Variants in SCLT1 observed in about 807,000 individuals in gnomAD.
The protein encoded by SCLT1 is sodium channel-associated protein 1.
SCLT1 carries 78 observed loss-of-function variants against 112.8 expected under a neutral mutation model. That is an observed-to-expected ratio of 0.69 (90% confidence interval 0.58 to 0.83). The LOEUF is 0.83. Ranked by LOEUF, SCLT1 falls within the 40% of genes least tolerant of loss-of-function variation. The pLI, the probability that SCLT1 is intolerant of heterozygous loss-of-function variation, is 0.00. For missense variants in SCLT1, 747 were observed against 770.4 expected, an observed-to-expected ratio of 0.97 and a Z score of 0.36; for synonymous variants, 257 against 254.7, an observed-to-expected ratio of 1.01 and a Z score of -0.09.
intron 5 of SCLT1, chr4:128,873,804 G>A (rs1732380077): frequency 6.6e-6 from 1 of 152,584 alleles, no homozygotes; most frequent in African/African-American, 2.4e-5. Context: ...GATACTTAAT[G>A]AATAATGCTT....
At chr4:128,995,542 C>G (rs994513609) in intron 8 of SCLT1, among the ~76,000 whole-genome samples, 3 of 152,178 alleles carry the variant, frequency 2.0e-5, no homozygotes, top group Non-Finnish European at 2.9e-5. Flanking sequence ...TTAGAGAAAG[C>G]AGGCACCTCT....
chr4:128,965,353 T>G, intron 10 of SCLT1, 35 bp from the exon 11 acceptor site: 1 of 1,360,882 alleles, frequency 7.3e-7, no homozygotes. Context: ...TTACTTTGAG[T>G]ATGTGAAAAT....
At chr4:128,929,160 G>A (rs1192124889) in intron 18 of SCLT1, among the ~76,000 whole-genome samples, 1 of 152,120 alleles carries the variant, frequency 6.6e-6, no homozygotes, top group African/African-American at 2.4e-5. Flanking sequence ...CCTAAGTAAG[G>A]TCACTGGTTA....
intron 2 of SCLT1, among the ~76,000 whole-genome samples, chr4:129,047,026 T>C (rs753710113): frequency 1.8e-4 from 28 of 152,144 alleles, no homozygotes; most frequent in Non-Finnish European, 1.5e-5. Context: ...TCTTCATATA[T>C]TCTAGATTTT....
intron 9 of SCLT1, 186 bp from the exon 10 acceptor site, chr4:128,970,654 A>C: frequency 1.8e-6 from 1 of 542,362 alleles, no homozygotes; most frequent in South Asian, 2.4e-5. Context: ...TAAAGAGGAA[A>C]AAATATAGCT....
At chr4:129,089,097 T>C (rs113241718) in intron 1 of SCLT1, among the ~76,000 whole-genome samples, 2,191 of 152,210 alleles carry the variant, frequency 0.014, 48 homozygotes, top group African/African-American at 0.044. Context: ...TTTTTGCAAT[T>C]TATCCATCTG....
chr4:129,080,712 T>C (rs1751857584), intron 2 of SCLT1, among the ~76,000 whole-genome samples: 1 of 152,212 alleles, frequency 6.6e-6, no homozygotes, highest in Admixed American at 6.5e-5. Context: ...CATTATGCAG[T>C]TCCAAAGTCA....
chr4:128,907,839 G>T (rs1734802428), intron 18 of SCLT1, among the ~76,000 whole-genome samples: 1 of 152,064 alleles, frequency 6.6e-6, no homozygotes, highest in Non-Finnish European at 1.5e-5. Flanking sequence ...TATGAGCAAG[G>T]TTTTCCCTGC....
intron 2 of SCLT1, among the ~76,000 whole-genome samples, chr4:129,054,841 T>G (rs1289768720): frequency 1.3e-5 from 2 of 152,196 alleles, no homozygotes; most frequent in African/African-American, 2.4e-5. Context: ...TTCTGGTTTT[T>G]GGATTTTTCA....
intron 9 of SCLT1, chr4:128,972,256 A>G (rs1320377365): frequency 2.0e-5 from 3 of 152,154 alleles, no homozygotes; most frequent in Non-Finnish European, 4.4e-5. Flanking sequence ...GATAAAACTG[A>G]GAAAACTCTG....
At chr4:128,985,770 G>C (rs937480049) in intron 9 of SCLT1, among the ~76,000 whole-genome samples, 2 of 151,974 alleles carry the variant, frequency 1.3e-5, no homozygotes, top group South Asian at 4.2e-4. Flanking sequence ...GTAGAGATGG[G>C]GTTTCACCAT....
At chr4:129,082,178 A>G in intron 2 of SCLT1, 128 bp downstream of exon 2, 1 of 426,714 alleles carries the variant, frequency 2.3e-6, no homozygotes, top group Non-Finnish European at 4.2e-6. Flanking sequence ...CTATTGTCAA[A>G]AGATTTACTT....
intron 9 of SCLT1, among the ~76,000 whole-genome samples, chr4:128,981,201 A>G (rs1208733313): frequency 3.3e-5 from 5 of 152,196 alleles, no homozygotes; most frequent in Admixed American, 2.6e-4. Flanking sequence ...GATCTAACCA[A>G]CTGCATCTTG....
intron 18 of SCLT1, among the ~76,000 whole-genome samples, chr4:128,910,992 G>T (rs1016398347): frequency 6.6e-6 from 1 of 152,030 alleles, no homozygotes; most frequent in Non-Finnish European, 1.5e-5. Context: ...GGCCAGGTGC[G>T]GTGGCTCACG....
intron 14 of SCLT1, among the ~76,000 whole-genome samples, chr4:128,949,562 A>G (rs1485927947): frequency 6.6e-6 from 1 of 151,628 alleles, no homozygotes; most frequent in Non-Finnish European, 1.5e-5. Context: ...CTGGTGTGTG[A>G]TGTTCCCCTT....
chr4:129,026,156 A>T (rs1002072468), intron 5 of SCLT1, among the ~76,000 whole-genome samples: 2 of 152,188 alleles, frequency 1.3e-5, no homozygotes, highest in Non-Finnish European at 2.9e-5. Flanking sequence ...CAGAAAGTTA[A>T]CAAGGATATC....
At chr4:129,035,866 C>T (rs1373533306) in intron 5 of SCLT1, among the ~76,000 whole-genome samples, 1 of 151,182 alleles carries the variant, frequency 6.6e-6, no homozygotes, top group Non-Finnish European at 1.5e-5. Flanking sequence ...TTACATTTTC[C>T]TCAGTCTGAG....
At chr4:129,068,138 T>A (rs753428095) in intron 2 of SCLT1, among the ~76,000 whole-genome samples, 1 of 152,162 alleles carries the variant, frequency 6.6e-6, no homozygotes, top group African/African-American at 2.4e-5. Context: ...TTGTCTCCAA[T>A]CTCATCCAGG....
At chr4:128,913,603 G>A (rs924635060) in intron 18 of SCLT1, among the ~76,000 whole-genome samples, 2 of 152,178 alleles carry the variant, frequency 1.3e-5, no homozygotes, top group African/African-American at 2.4e-5. Context: ...AGCTGAATGA[G>A]TAAAGCTACA....
Sources: gnomAD v4.1 joint callset for allele counts (sites outside exome capture counted in the v4.1 genomes callset) on GRCh38, gnomAD v4.1.1 for gene constraint, MANE v1.5 for transcripts, NCBI Gene and HGNC (gene_info 2026-07-23, HGNC 2026-07-21) for gene names.